Variants in DNAH11 observed in about 807,000 individuals in gnomAD.
The protein encoded by DNAH11 is dynein axonemal heavy chain 11, also known as axonemal beta dynein heavy chain 11.
A neutral mutation model predicts 526.0 loss-of-function variants in DNAH11; 442 were observed. That is an observed-to-expected ratio of 0.84 (90% CI 0.78 to 0.91). DNAH11 has a LOEUF of 0.91. Among genes scored for constraint, DNAH11 ranks in the 40% least tolerant of loss-of-function variants. The pLI is 0.00. For missense variants in DNAH11, 6,989 were observed against 5,448.7 expected (o/e 1.28, Z -8.90); for synonymous variants, 2,461 against 1,935.9 (o/e 1.27, Z -7.12).
At chr7:21,801,382 A>G in intron 62 of DNAH11, 107 bp downstream of exon 62, 3 of 1,424,766 alleles carry the variant, frequency 2.1e-6, no homozygotes, top group Middle Eastern at 1.8e-4. Context: ...ATTAACAACA[A>G]AGGATAATAT....
chr7:21,823,488 G>A (rs1790142258), intron 65 of DNAH11, among the ~76,000 whole-genome samples: 1 of 152,000 alleles, frequency 6.6e-6, no homozygotes. Context: ...TTAGCCAATA[G>A]CAGTTAAGTG....
chr7:21,760,809 C>G (rs915519195), intron 54 of DNAH11, among the ~76,000 whole-genome samples: 2 of 152,134 alleles, frequency 1.3e-5, no homozygotes, highest in African/African-American at 4.8e-5. Context: ...ACCTTCCCAC[C>G]AGTCTGTGTA....
intron 12 of DNAH11, among the ~76,000 whole-genome samples, chr7:21,589,743 T>G (rs1017537716): frequency 1.3e-5 from 2 of 152,166 alleles, no homozygotes; most frequent in African/African-American, 4.8e-5. Context: ...CTCAACTGAA[T>G]TGAATCATTT....
intron 14 of DNAH11, among the ~76,000 whole-genome samples, chr7:21,598,540 C>G (rs773546499): frequency 2.6e-5 from 4 of 151,910 alleles, no homozygotes; most frequent in Admixed American, 6.6e-5. Context: ...CCAGTGTTTT[C>G]TAAACTGGGT....
chr7:21,763,352 A>AAGAAAAG lies in DNAH11; in HGVS notation c.8941-2075_8941-2074insGAAAAGA, dbSNP rs1554278424. Among the ~76,000 whole-genome samples the AAGAAAAG allele has an allele frequency of 4.3e-4, 48 of 112,334 alleles. 9 individuals carry two copies. The highest frequency in any genetic ancestry group is 6.1e-4 in the Non-Finnish European group (32 of 52,838). The allele number at this position is 112,334 out of a possible 152,430, so 73.7% of individuals were successfully genotyped here. A position where few individuals can be genotyped will look rare whatever the true frequency, so the allele number is the denominator to read the frequency against. On this transcript the variant is annotated intron_variant, in intron 54 of 81. Coordinates refer to ENST00000409508, the MANE Select transcript of DNAH11 (RefSeq NM_001277115.2). ...GCAAGACTGTCTCAAAAAAAAAAAA[A>AAGAAAAG]AAAAGAAAAAAAAAAAGACTTACAA...
chr7:21,807,828 G>T (rs898478262), intron 62 of DNAH11, 55 bp from the exon 63 acceptor site: 7 of 1,527,464 alleles, frequency 4.6e-6, no homozygotes, highest in Non-Finnish European at 6.2e-6. Context: ...TTAAGCATTT[G>T]TGGAGTTGAC....
intron 35 of DNAH11, among the ~76,000 whole-genome samples, chr7:21,691,560 T>C (rs878895886): frequency 6.6e-6 from 1 of 152,154 alleles, no homozygotes; most frequent in South Asian, 2.1e-4. Flanking sequence ...GTTTGGAAAA[T>C]ATAGAAAAGA....
chr7:21,789,122 C>G (rs1788318574), intron 60 of DNAH11, 119 bp from the exon 61 acceptor site: 1 of 736,700 alleles, frequency 1.4e-6, no homozygotes, highest in African/African-American at 1.8e-5. Context: ...GACCCCATCT[C>G]AATAAAAAAA....
intron 8 of DNAH11, among the ~76,000 whole-genome samples, chr7:21,574,290 A>AC (rs781562374): frequency 2.6e-5 from 4 of 152,116 alleles, no homozygotes; most frequent in Non-Finnish European, 4.4e-5. Flanking sequence ...GTTGAGGGTA[A>AC]CCCCTTGGCT....
At chr7:21,727,910 A>G (rs1397423661) in intron 45 of DNAH11, among the ~76,000 whole-genome samples, 1 of 152,208 alleles carries the variant, frequency 6.6e-6, no homozygotes, top group Non-Finnish European at 1.5e-5. Context: ...CGGTTTGCTG[A>G]TAGGCATCGC....
In DNAH11 at chr7:21,543,350, C is replaced by CGAGGAGGAGGAGGAG; in HGVS notation, c.106_120dup (p.Glu36_Glu40dup). 1 of 1,517,362 alleles carries CGAGGAGGAGGAGGAG rather than the reference C, an allele frequency of 6.6e-7. No homozygotes were observed. Among genetic ancestry groups the CGAGGAGGAGGAGGAG allele is most frequent in the South Asian group, 1.2e-5 (1 of 80,846 alleles). 94.0% of individuals were successfully genotyped at this position (1,517,362 alleles called of 1,614,324 possible). The stretch of plus-strand genomic sequence containing the variant: ...TGGAGGCAGTGGGCGCTGTGGAGCT[C>CGAGGAGGAGGAGGAG]GAGGAGGAGGAGGAGAACGAGGAGG... On this transcript the variant is annotated inframe_insertion, in exon 1 of 82. Transcript: ENST00000409508.
At chr7:21,899,942 C>A (rs750128518) in intron 80 of DNAH11, 38 bp from the exon 81 acceptor site, 24 of 1,605,118 alleles carry the variant, frequency 1.5e-5, no homozygotes, top group Admixed American at 5.1e-5. Context: ...TTACATGCAA[C>A]ACTTTTATCC....
intron 61 of DNAH11, among the ~76,000 whole-genome samples, chr7:21,789,793 C>CTTTCTTTCTTTCTTTTTTCTTTCTTTCTT (rs1451191856): frequency 3.7e-5 from 3 of 81,482 alleles, no homozygotes; most frequent in African/African-American, 1.6e-4. Context: ...TTCTTTCTTT[C>CTTTCTTTCTTTCTTTTTTCTTTCTTTCTT]TTTCTTTCTT....
At chr7:21,559,392 T>C (rs1212892914) in intron 3 of DNAH11, among the ~76,000 whole-genome samples, 1 of 152,210 alleles carries the variant, frequency 6.6e-6, no homozygotes, top group African/African-American at 2.4e-5. Context: ...TTTGAGGATA[T>C]AATTCTTTAA....
In DNAH11 at chr7:21,745,060, ATG is replaced by A; in HGVS notation, c.8510+2_8510+3del. 6.2e-7 allele frequency: 1 copy of A among 1,604,602 alleles called. No individual in the cohort carries two copies. The highest frequency in any genetic ancestry group is 8.5e-7 in the Non-Finnish European group (1 of 1,175,318). On this transcript the variant is annotated frameshift_variant and splice_region_variant, in exon 51 of 82. Coordinates refer to ENST00000409508, the MANE Select transcript of DNAH11 (RefSeq NM_001277115.2). LOFTEE classifies it high-confidence loss of function. ...GTTTTGTTTGAAGATGCCATGCAACATGTGTGAGTTAACTAGTCACGATGCTT... is the reference window on the plus strand; with the variant it reads ...GTTTTGTTTGAAGATGCCATGCAACATGTGAGTTAACTAGTCACGATGCTT...
At chr7:21,806,462 G>A (rs575095814) in intron 62 of DNAH11, among the ~76,000 whole-genome samples, 1 of 152,278 alleles carries the variant, frequency 6.6e-6, no homozygotes, top group South Asian at 2.1e-4. Flanking sequence ...TCTTTAATAA[G>A]CAAAGCAGGG....
intron 42 of DNAH11, among the ~76,000 whole-genome samples, chr7:21,717,147 T>C (rs961912205): frequency 7.2e-5 from 11 of 152,124 alleles, no homozygotes; most frequent in African/African-American, 2.7e-4. Flanking sequence ...ATTATTTTAC[T>C]AATACATTAA....
intron 75 of DNAH11, among the ~76,000 whole-genome samples, chr7:21,882,702 T>A (rs1783966152): frequency 6.6e-6 from 1 of 151,986 alleles, no homozygotes; most frequent in Non-Finnish European, 1.5e-5. Flanking sequence ...GAGACTGAGG[T>A]GAGAGGATCG....
chr7:21,880,620 T>C, intron 74 of DNAH11, 82 bp from the exon 75 acceptor site: 2 of 1,470,262 alleles, frequency 1.4e-6, no homozygotes, highest in Non-Finnish European at 1.9e-6. Context: ...CAAAGTTCTT[T>C]ACAAGATTAT....
Sources: gnomAD v4.1 joint callset for allele counts (sites outside exome capture counted in the v4.1 genomes callset) on GRCh38, gnomAD v4.1.1 for gene constraint, MANE v1.5 for transcripts, NCBI Gene and HGNC (gene_info 2026-07-23, HGNC 2026-07-21) for gene names.